KNG1: variants seen among roughly 807,000 people sequenced by gnomAD.
KNG1 encodes kininogen 1, also known as kininogen-1.
Under a neutral mutation model 47.8 loss-of-function variants are expected in KNG1, and 23 were observed. That is an observed-to-expected ratio of 0.48 (90% CI 0.35 to 0.68). The LOEUF (loss-of-function observed/expected upper bound fraction) is 0.68, where lower values mean the gene tolerates loss of function less well. Ranked by LOEUF, KNG1 falls within the 30% of genes least tolerant of loss-of-function variation. The pLI, the probability that KNG1 is intolerant of heterozygous loss-of-function variation, is 0.01. For synonymous variants in KNG1, 277 were observed against 277.0 expected (o/e 1.00, Z 0.00); for missense variants, 762 against 790.2 (o/e 0.96, Z 0.43).
chr3:186,733,436 T>C (rs1017326795), intron 7 of KNG1, among the ~76,000 whole-genome samples: 4 of 152,150 alleles, frequency 2.6e-5, no homozygotes. Context: ...CTTGCCTCCA[T>C]GTCTTTCACC....
chr3:186,731,329 T>C (rs1254422376), intron 5 of KNG1, among the ~76,000 whole-genome samples: 1 of 152,206 alleles, frequency 6.6e-6, no homozygotes, highest in Non-Finnish European at 1.5e-5. Flanking sequence ...TCTTCCTGCT[T>C]TCCATGTGCT....
intron 3 of KNG1, 81 bp downstream of exon 3, chr3:186,722,602 C>G (rs1045331511): frequency 1.2e-5 from 14 of 1,132,626 alleles, no homozygotes; most frequent in Non-Finnish European, 1.7e-5. Flanking sequence ...TGACCAGGCT[C>G]TGCTTGCTCC....
rs5030092 is a variant in KNG1, at chr3:186,743,186, C to T, written c.*855C>T. On this transcript the variant is annotated 3_prime_UTR_variant, in exon 10 of 10. Transcript: ENST00000644859. ...AGTAATTCTTAGTTTACAGAAGCTC[C>T]GAGCTTAATGATAAGGATGAAAAGC... 0.014 allele frequency: 2,355 copies of T among 162,794 alleles called. 58 individuals carry two copies. Among genetic ancestry groups the T allele is most frequent in the African/African-American group, 0.053 (2,216 of 41,564 alleles). 10.1% of individuals were successfully genotyped at this position (162,794 alleles called of 1,614,324 possible).
chr3:186,741,879 C>T lies in KNG1; in HGVS notation c.1483C>T (p.His495Tyr). 6.2e-7 allele frequency: 1 copy of T among 1,613,836 alleles called. No homozygotes were observed. The highest frequency in any genetic ancestry group is 2.2e-5 in the East Asian group (1 of 44,854). Residue 495 changes from histidine (H) to tyrosine (Y), a missense_variant, in exon 10 of 10, where the codon CAT (histidine) becomes TAT (tyrosine). Transcript: ENST00000644859. ...HQGGHVLDHG[H>Y]KHKHGHGHGK... ...AGGGGGCCATGTCCTTGACCATGGA[C>T]ATAAGCATAAGCATGGTCATGGCCA...
At chr3:186,727,749 T>A (rs1232992802) in intron 5 of KNG1, among the ~76,000 whole-genome samples, 1 of 152,058 alleles carries the variant, frequency 6.6e-6, no homozygotes, top group East Asian at 1.9e-4. Context: ...TTTTTGTATT[T>A]ATAGTAGAGA....
At chr3:186,717,899 CACCACCACCACCA>C (rs1720041241) in intron 1 of KNG1, 162 bp downstream of exon 1, 1 of 232,148 alleles carries the variant, frequency 4.3e-6, no homozygotes, top group African/African-American at 6.3e-5. Flanking sequence ...CACCACCACC[CACCACCACCACCA>C]CCATCCACCA....
At chr3:186,740,586 C>G (rs1720784471) in intron 9 of KNG1, among the ~76,000 whole-genome samples, 1 of 152,214 alleles carries the variant, frequency 6.6e-6, no homozygotes, top group African/African-American at 2.4e-5. Context: ...AATTAATCCA[C>G]AGATCGACAT....
At chr3:186,730,667 AAAAAAAAAAAAAAAAAATATATATAT>A (rs1423500445) in intron 5 of KNG1, among the ~76,000 whole-genome samples, 190 of 74,360 alleles carry the variant, frequency 2.6e-3, no homozygotes, top group East Asian at 0.02. Context: ...AAAAAAAAAA[AAAAAAAAAAAAAAAAAATATATATAT>A]ATATATATAT....
At chr3:186,737,341 A>G (rs5030069) in intron 7 of KNG1, among the ~76,000 whole-genome samples, 153 of 152,178 alleles carry the variant, frequency 1.0e-3, no homozygotes, top group African/African-American at 3.5e-3. Context: ...ATTCATACAG[A>G]CATTGATTCT....
chr3:186,733,803 T>C (rs1341838400), intron 7 of KNG1, among the ~76,000 whole-genome samples: 2 of 152,090 alleles, frequency 1.3e-5, no homozygotes, highest in African/African-American at 4.8e-5. Context: ...ACCTCATCTC[T>C]ACTAAAAATA....
chr3:186,723,656 T>C (rs1186275169), intron 3 of KNG1, among the ~76,000 whole-genome samples: 5 of 147,914 alleles, frequency 3.4e-5, no homozygotes, highest in Non-Finnish European at 6.0e-5. Flanking sequence ...AATTTCTTTC[T>C]TTTTTTTTTT....
chr3:186,742,276 CA>C lies in KNG1; in HGVS notation c.1882del (p.Thr628ProfsTer4). ...RPWKSVSEIN[P>X]TTQMKESYYF... The stretch of plus-strand genomic sequence containing the variant: ...TGGAAGTCAGTTAGTGAAATTAATC[CA>C]ACCACACAAATGAAAGAATCTTATT... On this transcript the variant is annotated frameshift_variant, in exon 10 of 10. Coordinates refer to ENST00000644859, the MANE Select transcript of KNG1 (RefSeq NM_001102416.3). LOFTEE classifies it high-confidence loss of function. 1 of 1,614,186 alleles carries C rather than the reference CA, an allele frequency of 6.2e-7. No homozygotes were observed. Among genetic ancestry groups the C allele is most frequent in the African/African-American group, 1.3e-5 (1 of 75,046 alleles).
Position 186,743,548 on chromosome 3 carries a change from A to G in KNG1, c.*1217A>G. ...GCTTCAAGTTATTGGATGCATTTGA[A>G]CCTCTGAGTTTGTCTTTCATTTTAA... On this transcript the variant is annotated 3_prime_UTR_variant, in exon 10 of 10. Coordinates refer to ENST00000644859, the MANE Select transcript of KNG1 (RefSeq NM_001102416.3). 1.5e-6 allele frequency: 1 copy of G among 649,050 alleles called. No individual in the cohort carries two copies. The highest frequency in any genetic ancestry group is 2.8e-6 in the Non-Finnish European group (1 of 359,818). The allele number at this position is 649,050 out of a possible 1,614,324, so 40.2% of individuals were successfully genotyped here.
chr3:186,720,103 A>T lies in KNG1; in HGVS notation c.196-2A>T. 6.2e-7 allele frequency: 1 copy of T among 1,604,334 alleles called. No homozygotes were observed. The highest frequency in any genetic ancestry group is 8.5e-7 in the Non-Finnish European group (1 of 1,171,058). ...CCCTAAGTATCTTTGGCTGCTTTTC[A>T]GGTTGGCTCTGACACGTTTTATTCC... is the stretch of plus-strand genomic sequence containing the variant. On this transcript the variant is annotated splice_acceptor_variant, in intron 1 of 9. Coordinates refer to ENST00000644859, the MANE Select transcript of KNG1 (RefSeq NM_001102416.3). LOFTEE classifies it high-confidence loss of function.
chr3:186,724,444 A>G (rs9819941), intron 3 of KNG1, among the ~76,000 whole-genome samples: 1 of 152,168 alleles, frequency 6.6e-6, no homozygotes, highest in Non-Finnish European at 1.5e-5. Flanking sequence ...AGCCATTCTA[A>G]CTGGGGTAAG....
rs1391102174 is a variant in KNG1, at chr3:186,722,458, A to G, written c.328A>G (p.Thr110Ala). ...AKAATGECTA[T>A]VGKRSSTKFS... is the part of the protein sequence containing the mutation. ...TTAGGCCACTGGAGAATGCACGGCA[A>G]CCGTGGGGAAGAGGAGCAGTACGAA... is the stretch of plus-strand genomic sequence containing the variant. Residue 110 changes from threonine (T) to alanine (A), a missense_variant, in exon 3 of 10, where the codon ACC (threonine) becomes GCC (alanine). Physicochemically the swap from Thr to Ala is moderately conservative, Grantham distance 58. Coordinates refer to ENST00000644859, the MANE Select transcript of KNG1 (RefSeq NM_001102416.3). 3.7e-6 allele frequency: 6 copies of G among 1,613,930 alleles called. No individual in the cohort carries two copies. The Admixed American group carries it at 1.0e-4, about 27-fold the overall frequency.
intron 2 of KNG1, 24 bp downstream of exon 2, chr3:186,720,239 G>T (rs774090160): frequency 6.7e-7 from 1 of 1,503,356 alleles, no homozygotes; most frequent in Non-Finnish European, 9.3e-7. Flanking sequence ...CCATTCTTGG[G>T]CCTTCTGTTT....
chr3:186,723,978 C>T (rs1429757766), intron 3 of KNG1, among the ~76,000 whole-genome samples: 1 of 152,066 alleles, frequency 6.6e-6, no homozygotes, highest in Non-Finnish European at 1.5e-5. Context: ...TATTCATTCA[C>T]CTTTTGATGG....
chr3:186,738,999 C>T (rs1720736203), intron 7 of KNG1, 100 bp from the exon 8 acceptor site: 1 of 976,612 alleles, frequency 1.0e-6, no homozygotes, highest in Non-Finnish European at 1.6e-6. Context: ...CTAAGTTGGT[C>T]AATTAAAATT....
Sources: gnomAD v4.1 joint callset for allele counts (sites outside exome capture counted in the v4.1 genomes callset) on GRCh38, gnomAD v4.1.1 for gene constraint, MANE v1.5 for transcripts, NCBI Gene and HGNC (gene_info 2026-07-23, HGNC 2026-07-21) for gene names.